SLC2A13: variants seen among roughly 807,000 people sequenced by gnomAD.
SLC2A13 encodes solute carrier family 2 member 13.
SLC2A13 carries 32 observed loss-of-function variants against 64.4 expected under a neutral mutation model. That is an observed-to-expected ratio of 0.50 (90% CI 0.37 to 0.67). The LOEUF is 0.67. Among genes scored for constraint, SLC2A13 ranks in the 30% least tolerant of loss-of-function variants. The pLI is 0.00. For synonymous variants in SLC2A13, 338 were observed against 327.1 expected (o/e 1.03, Z -0.36); for missense variants, 743 against 829.2 (o/e 0.90, Z 1.28).
At chr12:39,838,560 G>A (rs550913991) in intron 6 of SLC2A13, among the ~76,000 whole-genome samples, 1 of 148,302 alleles carries the variant, frequency 6.7e-6, no homozygotes, top group South Asian at 2.1e-4. Context: ...AAGGGGAAAA[G>A]TAAGTATTCA....
chr12:40,031,218 T>TTTTA (rs921131983), intron 2 of SLC2A13, among the ~76,000 whole-genome samples: 3 of 151,944 alleles, frequency 2.0e-5, no homozygotes, highest in African/African-American at 7.3e-5. Context: ...ACTTACACCA[T>TTTTA]TTTATTTATT....
intron 5 of SLC2A13, among the ~76,000 whole-genome samples, chr12:39,867,663 T>C (rs1943943932): frequency 6.6e-6 from 1 of 152,170 alleles, no homozygotes; most frequent in South Asian, 2.1e-4. Context: ...AAAAGTTAAC[T>C]CTTCTTAAGC....
At chr12:40,006,299 G>T (rs758563565) in intron 3 of SLC2A13, among the ~76,000 whole-genome samples, 14 of 152,134 alleles carry the variant, frequency 9.2e-5, no homozygotes, top group Non-Finnish European at 1.5e-4. Flanking sequence ...TGTATCTCAG[G>T]TATATCTGGG....
In SLC2A13 at chr12:39,758,001, C is replaced by T. The variant is rs1409527402; in HGVS notation, c.*2025G>A. 2.0e-5 allele frequency: 3 copies of T among 151,766 alleles called. No individual in the cohort carries two copies. Among genetic ancestry groups the T allele is most frequent in the Admixed American group, 2.0e-4 (3 of 15,180 alleles). 9.4% of individuals were successfully genotyped at this position (151,766 alleles called of 1,614,324 possible). A position where few individuals can be genotyped will look rare whatever the true frequency, so the allele number is the denominator to read the frequency against. ...CCATATAGTAGCTTATTTTTCACTTCAATTTACCTGTGTAAAATATTAGAT... is the reference window on the plus strand; with the variant it reads ...CCATATAGTAGCTTATTTTTCACTTTAATTTACCTGTGTAAAATATTAGAT... On this transcript the variant is annotated 3_prime_UTR_variant, in exon 10 of 10. Coordinates refer to ENST00000280871, the MANE Select transcript of SLC2A13 (RefSeq NM_052885.4).
chr12:40,105,204 G>A lies in SLC2A13; in HGVS notation c.556+49C>T. ...AGAGGCACGCAACACCCAGGGTCAA[G>A]GGCGGTGACAATGGGATCCCGGGCG... On this transcript the variant is annotated intron_variant, in intron 1 of 9. Transcript: ENST00000280871. The surrounding 1 kb of genome is among the most constrained non-coding windows in gnomAD (Gnocchi z 4.2). The A allele has an allele frequency of 6.7e-7, 1 of 1,493,856 alleles. No homozygotes were observed. Among genetic ancestry groups the A allele is most frequent in the Non-Finnish European group, 8.9e-7 (1 of 1,125,118 alleles). 92.5% of individuals were successfully genotyped at this position (1,493,856 alleles called of 1,614,324 possible).
At chr12:40,014,473 G>A (rs1158995219) in intron 3 of SLC2A13, among the ~76,000 whole-genome samples, 11 of 152,104 alleles carry the variant, frequency 7.2e-5, no homozygotes, top group Admixed American at 7.2e-4. Flanking sequence ...GACTAGTCCA[G>A]ATTATAAAAG....
intron 1 of SLC2A13, among the ~76,000 whole-genome samples, chr12:40,101,334 T>A (rs1372632753): frequency 6.6e-6 from 1 of 152,194 alleles, no homozygotes; most frequent in South Asian, 2.1e-4. Flanking sequence ...TACTATACAA[T>A]TCATTTAATA....
intron 4 of SLC2A13, among the ~76,000 whole-genome samples, chr12:39,923,352 A>G (rs1444669664): frequency 6.6e-6 from 1 of 152,206 alleles, no homozygotes; most frequent in Non-Finnish European, 1.5e-5. Flanking sequence ...TACATGCTAC[A>G]ATAAGGATGA....
chr12:40,072,126 A>G (rs775301710), intron 1 of SLC2A13, among the ~76,000 whole-genome samples: 1 of 151,966 alleles, frequency 6.6e-6, no homozygotes, highest in East Asian at 1.9e-4. Flanking sequence ...TTAGCTCTAA[A>G]TTTTTTGCTA....
At chr12:39,872,377 G>T (rs928712392) in intron 4 of SLC2A13, among the ~76,000 whole-genome samples, 1 of 152,200 alleles carries the variant, frequency 6.6e-6, no homozygotes, top group East Asian at 1.9e-4. Context: ...TTAAAAGACT[G>T]CCATAAGAGA....
intron 3 of SLC2A13, among the ~76,000 whole-genome samples, chr12:39,960,422 C>T (rs1946388268): frequency 6.6e-6 from 1 of 152,196 alleles, no homozygotes; most frequent in Non-Finnish European, 1.5e-5. Flanking sequence ...GTTCTATTGT[C>T]TAAGCTGCAG....
chr12:39,993,188 C>T (rs1264713432), intron 3 of SLC2A13, among the ~76,000 whole-genome samples: 1 of 152,282 alleles, frequency 6.6e-6, no homozygotes, highest in South Asian at 2.1e-4. Flanking sequence ...CTCTGTATCA[C>T]AGTAACCATC....
intron 6 of SLC2A13, among the ~76,000 whole-genome samples, chr12:39,837,267 T>G (rs1420663547): frequency 6.7e-6 from 1 of 150,342 alleles, no homozygotes; most frequent in Non-Finnish European, 1.5e-5. Context: ...TAAATGGTGC[T>G]GGGAAAACTG....
intron 7 of SLC2A13, among the ~76,000 whole-genome samples, chr12:39,793,740 G>A (rs1941481875): frequency 6.6e-6 from 1 of 152,098 alleles, no homozygotes; most frequent in Admixed American, 6.6e-5. Context: ...GATTATTCAT[G>A]CACCTGCTTT....
intron 1 of SLC2A13, among the ~76,000 whole-genome samples, chr12:40,095,652 C>G (rs1330336908): frequency 1.3e-5 from 2 of 152,090 alleles, no homozygotes; most frequent in Non-Finnish European, 1.5e-5. Context: ...ATGAGTTTTT[C>G]TTTATTTCCT....
chr12:39,857,622 A>C (rs565546423), intron 6 of SLC2A13, among the ~76,000 whole-genome samples: 1 of 152,320 alleles, frequency 6.6e-6, no homozygotes, highest in South Asian at 2.1e-4. Flanking sequence ...GATCTTTTAA[A>C]AACACAAATC....
At chr12:39,856,197 CCTTCT>C (rs913869964) in intron 6 of SLC2A13, among the ~76,000 whole-genome samples, 18 of 152,022 alleles carry the variant, frequency 1.2e-4, no homozygotes, top group African/African-American at 4.1e-4. Context: ...GCACCATCTA[CCTTCT>C]CTTATCAATA....
At chr12:39,862,741 A>G (rs1226241325) in intron 6 of SLC2A13, among the ~76,000 whole-genome samples, 3 of 152,164 alleles carry the variant, frequency 2.0e-5, no homozygotes, top group Non-Finnish European at 2.9e-5. Context: ...ATAATAGTGG[A>G]CCATATTTAT....
intron 6 of SLC2A13, among the ~76,000 whole-genome samples, chr12:39,839,570 T>G (rs1034277062): frequency 6.6e-6 from 1 of 151,910 alleles, no homozygotes; most frequent in Non-Finnish European, 1.5e-5. Flanking sequence ...TTCTAAAAAT[T>G]TTCCCTCTTT....
Sources: gnomAD v4.1 joint callset for allele counts (sites outside exome capture counted in the v4.1 genomes callset) on GRCh38, gnomAD v4.1.1 for gene constraint, Gnocchi (gnomAD v3.1) non-coding constraint, MANE v1.5 for transcripts, NCBI Gene and HGNC (gene_info 2026-07-23, HGNC 2026-07-21) for gene names.